The following CHD6 variants were observed in gnomAD, a reference collection of about 807,000 sequenced individuals.
The protein encoded by CHD6 is ATP-dependent chromatin remodeler CHD6.
In CHD6, 50 loss-of-function variants were observed where a neutral mutation model predicts 276.9. The ratio of observed to expected loss-of-function variants is 0.18; its 90% confidence interval spans 0.14 to 0.23. The LOEUF (loss-of-function observed/expected upper bound fraction) is 0.23. CHD6 is among the 10% of genes least tolerant of loss of function. CHD6 has a pLI of 1.00. For synonymous variants in CHD6, 1,173 were observed against 1,229.3 expected (o/e 0.95, Z 0.96); for missense variants, 2,564 against 3,365.8 (o/e 0.76, Z 5.89).
chr20:41,453,229 C>CA (rs1179556565), intron 20 of CHD6, among the ~76,000 whole-genome samples: 1 of 152,158 alleles, frequency 6.6e-6, no homozygotes, highest in African/African-American at 2.4e-5. Flanking sequence ...CAAGGCCCCC[C>CA]CCCAGTGACC....
chr20:41,490,043 G>A (rs776334252), intron 11 of CHD6, 22 bp from the exon 12 acceptor site: 2 of 1,606,648 alleles, frequency 1.2e-6, no homozygotes, highest in Admixed American at 1.7e-5. Flanking sequence ...GAGAAATATA[G>A]GTAATTCATT....
chr20:41,544,512 A>G (rs2045003093), intron 2 of CHD6, among the ~76,000 whole-genome samples: 1 of 152,138 alleles, frequency 6.6e-6, no homozygotes, highest in African/African-American at 2.4e-5. Flanking sequence ...TTTTAAAATT[A>G]GCAGCTTATT....
At chr20:41,514,025 C>A (rs1408022046) in intron 4 of CHD6, among the ~76,000 whole-genome samples, 1 of 152,182 alleles carries the variant, frequency 6.6e-6, no homozygotes, top group Non-Finnish European at 1.5e-5. Context: ...CAGCCACCAG[C>A]CCCAGTTTAT....
intron 16 of CHD6, among the ~76,000 whole-genome samples, chr20:41,476,606 G>C (rs946835645): frequency 2.6e-5 from 4 of 152,084 alleles, no homozygotes; most frequent in Non-Finnish European, 4.4e-5. Context: ...AAATATGAAG[G>C]CTTGGTAACA....
At chr20:41,491,847 G>C (rs747619534) in intron 10 of CHD6, 28 bp from the exon 11 acceptor site, 9 of 1,612,032 alleles carry the variant, frequency 5.6e-6, no homozygotes, top group Admixed American at 1.7e-5. Context: ...CAGCATAATA[G>C]ATAGAGAATG....
At chr20:41,442,115 G>A (rs1005811060) in intron 25 of CHD6, among the ~76,000 whole-genome samples, 5 of 152,050 alleles carry the variant, frequency 3.3e-5, no homozygotes, top group African/African-American at 1.2e-4. Context: ...CATTTAACAG[G>A]GTTACAGCAG....
At chr20:41,555,095 G>T (rs2045205186) in intron 1 of CHD6, among the ~76,000 whole-genome samples, 1 of 145,546 alleles carries the variant, frequency 6.9e-6, no homozygotes, top group Admixed American at 6.8e-5. Flanking sequence ...GGGGCGGCTT[G>T]CCGGGCGGGG....
chr20:41,475,624 CA>C (rs1387432883), intron 16 of CHD6, among the ~76,000 whole-genome samples: 1 of 152,144 alleles, frequency 6.6e-6, no homozygotes, highest in Non-Finnish European at 1.5e-5. Context: ...TACTTGGAGT[CA>C]AAAACAGGGT....
intron 24 of CHD6, among the ~76,000 whole-genome samples, chr20:41,447,580 C>G (rs1488936840): frequency 6.6e-6 from 1 of 152,198 alleles, no homozygotes; most frequent in Non-Finnish European, 1.5e-5. Context: ...GTAACCGACA[C>G]TCGTTCTACA....
chr20:41,425,425 A>G, intron 28 of CHD6, 31 bp from the exon 29 acceptor site: 1 of 1,579,772 alleles, frequency 6.3e-7, no homozygotes, highest in Middle Eastern at 2.0e-4. Flanking sequence ...ATTAGTATTT[A>G]CAAACAGAAC....
chr20:41,440,686 AACAG>A (rs2047873678), intron 25 of CHD6, among the ~76,000 whole-genome samples: 1 of 152,242 alleles, frequency 6.6e-6, no homozygotes, highest in African/African-American at 2.4e-5. Context: ...CAAAGTTAAC[AACAG>A]ACAGTGTTTT....
intron 4 of CHD6, among the ~76,000 whole-genome samples, chr20:41,513,910 C>G (rs1310286235): frequency 6.6e-6 from 1 of 152,088 alleles, no homozygotes; most frequent in Non-Finnish European, 1.5e-5. Flanking sequence ...ACATAAAAAC[C>G]TCTCCCCAAC....
chr20:41,493,815 C>G (rs755823825), intron 9 of CHD6, 43 bp downstream of exon 9: 2 of 1,581,614 alleles, frequency 1.3e-6, no homozygotes, highest in African/African-American at 2.7e-5. Context: ...AAGTGAAATA[C>G]GTGGAAAGAA....
At chr20:41,492,460 G>A (rs1166130055) in intron 10 of CHD6, among the ~76,000 whole-genome samples, 4 of 152,168 alleles carry the variant, frequency 2.6e-5, no homozygotes, top group Non-Finnish European at 4.4e-5. Context: ...TTAATGTTCC[G>A]AGTATCAACC....
At chr20:41,540,144 G>A (rs1214184493) in intron 2 of CHD6, among the ~76,000 whole-genome samples, 4 of 152,172 alleles carry the variant, frequency 2.6e-5, no homozygotes, top group Non-Finnish European at 4.4e-5. Context: ...CAGTGATTCT[G>A]TGGTAGTATC....
chr20:41,408,255 G>A (rs908077949), intron 36 of CHD6, among the ~76,000 whole-genome samples: 1 of 152,038 alleles, frequency 6.6e-6, no homozygotes, highest in Non-Finnish European at 1.5e-5. Context: ...CAGTTGGTCA[G>A]GGACAGAGCA....
intron 16 of CHD6, among the ~76,000 whole-genome samples, chr20:41,481,403 T>C (rs1471613545): frequency 6.6e-6 from 1 of 151,554 alleles, no homozygotes; most frequent in Non-Finnish European, 1.5e-5. Context: ...CAAGAGAAAA[T>C]GCATGAAAAA....
intron 1 of CHD6, among the ~76,000 whole-genome samples, chr20:41,604,678 T>C (rs186822879): frequency 6.6e-6 from 1 of 152,252 alleles, no homozygotes; most frequent in East Asian, 1.9e-4. Context: ...GGATGTGAGG[T>C]TCCACTTTAG....
At chr20:41,413,553 C>A in intron 34 of CHD6, 38 bp from the exon 35 acceptor site, 1 of 1,418,682 alleles carries the variant, frequency 7.0e-7, no homozygotes, top group Non-Finnish European at 9.4e-7. Context: ...AATCACGACA[C>A]AATGAAAATT....
Sources: gnomAD v4.1 joint callset for allele counts (sites outside exome capture counted in the v4.1 genomes callset) on GRCh38, gnomAD v4.1.1 for gene constraint, MANE v1.5 for transcripts, NCBI Gene and HGNC (gene_info 2026-07-23, HGNC 2026-07-21) for gene names.